Variants in RHOC observed in about 807,000 individuals in gnomAD.
RHOC encodes ras homolog family member C.
Under a neutral mutation model 19.5 loss-of-function variants are expected in RHOC, and 13 were observed. The observed-to-expected ratio is 0.67, with a 90% CI of 0.43 to 1.06. The LOEUF (loss-of-function observed/expected upper bound fraction) is 1.06. RHOC is among the 50% of genes least tolerant of loss of function. The pLI is 0.00. For missense variants in RHOC, 173 were observed against 256.9 expected, an observed-to-expected ratio of 0.67 and a Z score of 2.23; for synonymous variants, 106 against 97.3, an observed-to-expected ratio of 1.09 and a Z score of -0.52.
intron 1 of RHOC, among the ~76,000 whole-genome samples, chr1:112,706,409 TTCTC>T (rs533417679): frequency 3.1e-4 from 41 of 131,358 alleles, no homozygotes; most frequent in Middle Eastern, 4.2e-3. Flanking sequence ...CAATCTCATT[TTCTC>T]TCTCTCTCTC....
At chr1:112,705,484 C>A in intron 1 of RHOC, 2 of 555,896 alleles carry the variant, frequency 3.6e-6, no homozygotes, top group Non-Finnish European at 6.8e-6. Context: ...ATTCACAAAA[C>A]TGTTGGTTTT....
At position 112,701,450 on chromosome 1, in the gene RHOC, G is replaced by C; in HGVS notation, c.*90C>G. The C allele has an allele frequency of 6.2e-7, 1 of 1,612,900 alleles. No individual in the cohort carries two copies. The highest frequency in any genetic ancestry group is 8.5e-7 in the Non-Finnish European group (1 of 1,179,384). ...AGGGAACTGAAAATGGGAGCCTTCA[G>C]CATGGAGCCCTCAGGAGGCTGGGGT... On this transcript the variant is annotated 3_prime_UTR_variant, in exon 6 of 6. Transcript: ENST00000339083.
Position 112,703,734 on chromosome 1 carries a change from G to A in RHOC, c.66C>T (p.Leu22=). Residue 22 remains leucine (L), a synonymous_variant, in exon 3 of 6, where the codon CTC becomes CTT. Transcript: ENST00000339083. ...GAAACTGATCCTTGCTGAAGACGAT[G>A]AGGAGGCAGGTCTTCCCACAGGCAC... is the stretch of plus-strand genomic sequence containing the variant. ...GDGACGKTCL[L]IVFSKDQFPE... 1 of 1,613,162 alleles carries A rather than the reference G, an allele frequency of 6.2e-7. No individual in the cohort carries two copies. The highest frequency in any genetic ancestry group is 8.5e-7 in the Non-Finnish European group (1 of 1,179,680).
In RHOC at chr1:112,703,595, TG is replaced by T. The variant is rs771985556; in HGVS notation, c.156+48del. On this transcript the variant is annotated intron_variant, in intron 3 of 5. Transcript: ENST00000339083. ...AGGACATACTAGGTCATTCAGTGAC[TG>T]GGGGGCGGGGTCTCAGGGTGGGGTG... 10 of 876,346 alleles carry T rather than the reference TG, an allele frequency of 1.1e-5. No individual in the cohort carries two copies. The African/African-American group carries it at 2.0e-4, about 17-fold the overall frequency. The allele number at this position is 876,346 out of a possible 1,614,324, so 54.3% of individuals were successfully genotyped here.
At chr1:112,703,607 T>G (rs937053) in intron 3 of RHOC, 37 bp downstream of exon 3, 3 of 1,500,458 alleles carry the variant, frequency 2.0e-6, no homozygotes, top group Non-Finnish European at 2.7e-6. Context: ...GGGGGCGGGG[T>G]CTCAGGGTGG....
chr1:112,705,454 C>T (rs369547275), intron 1 of RHOC: 11 of 583,212 alleles, frequency 1.9e-5, no homozygotes, highest in East Asian at 1.3e-4. Flanking sequence ...CTGAGTGGCC[C>T]TTCCCTTGCC....
At chr1:112,705,607 T>G in intron 1 of RHOC, 1 of 460,830 alleles carries the variant, frequency 2.2e-6, no homozygotes, top group South Asian at 1.5e-5. Context: ...GCATTCACCC[T>G]GTCGGCAGAT....
Position 112,706,486 on chromosome 1 carries a change from A to C in RHOC, c.-77+592T>G, listed in dbSNP as rs1412095916. On this transcript the variant is annotated intron_variant, in intron 1 of 5. Transcript: ENST00000339083. ...ACACCACACACACACACACACACAC[A>C]CACACACACACACACACACACACAC... Among the ~76,000 whole-genome samples the C allele has an allele frequency of 1.6e-3, 29 of 17,642 alleles. 1 individual carries two copies. The highest frequency in any genetic ancestry group is 4.6e-3 in the African/African-American group (24 of 5,274). The allele number at this position is 17,642 out of a possible 152,430, so 11.6% of individuals were successfully genotyped here.
At chr1:112,706,464 CCACACACACA>C (rs57078670) in intron 1 of RHOC, among the ~76,000 whole-genome samples, 99 of 22,990 alleles carry the variant, frequency 4.3e-3, no homozygotes, top group African/African-American at 0.019. Context: ...CACACACACA[CCACACACACA>C]CACACACACA....
At chr1:112,707,182 C>G (rs1674925692), upstream of RHOC, 2 of 150,378 alleles carry the variant, frequency 1.3e-5, no homozygotes, top group Admixed American at 1.3e-4. Context: ...AGGGCGGGCC[C>G]GGCAGGGGGA....
At chr1:112,706,440 C>CT (rs1429535319) in intron 1 of RHOC, among the ~76,000 whole-genome samples, 25 of 36,712 alleles carry the variant, frequency 6.8e-4, no homozygotes, top group African/African-American at 1.3e-3. Flanking sequence ...TACACACACA[C>CT]ACACACACAC....
chr1:112,702,494 T>G, intron 5 of RHOC, 69 bp downstream of exon 5: 1 of 1,555,490 alleles, frequency 6.4e-7, no homozygotes, highest in Non-Finnish European at 8.8e-7. Flanking sequence ...AGAAGTTCCC[T>G]TTGCCCGTCT....
At chr1:112,706,972 C>T (rs903099250) in intron 1 of RHOC, 106 bp downstream of exon 1, 1 of 152,060 alleles carries the variant, frequency 6.6e-6, no homozygotes, top group African/African-American at 2.4e-5. Context: ...GGCCGAAGCC[C>T]CTCCTCGCAC....
intron 1 of RHOC, among the ~76,000 whole-genome samples, chr1:112,706,494 A>ACCCCCCCACAC (rs1557780825): frequency 5.6e-5 from 2 of 35,976 alleles, no homozygotes; most frequent in Non-Finnish European, 1.3e-4. Context: ...ACACACACAC[A>ACCCCCCCACAC]CACACACACA....
chr1:112,701,930 A>C (rs1344773281), intron 5 of RHOC, among the ~76,000 whole-genome samples: 4 of 151,758 alleles, frequency 2.6e-5, no homozygotes, highest in African/African-American at 9.7e-5. Flanking sequence ...ACCTCCTCCC[A>C]CACACAGCCC....
intron 1 of RHOC, among the ~76,000 whole-genome samples, chr1:112,706,463 A>C (rs868727432): frequency 7.3e-4 from 6 of 8,206 alleles, no homozygotes; most frequent in African/African-American, 9.4e-4. Flanking sequence ...ACACACACAC[A>C]CCACACACAC....
At position 112,701,721 on chromosome 1, in the gene RHOC, G is replaced by A. The variant is rs745896713; in HGVS notation, c.409-8C>T. 6.2e-7 allele frequency: 1 copy of A among 1,613,626 alleles called. No individual in the cohort carries two copies. Among genetic ancestry groups the A allele is most frequent in the Non-Finnish European group, 8.5e-7 (1 of 1,179,850 alleles). ...CTCAGACCGAACGGGCTCCTGAGAA[G>A]ACATAAGATGAGGGGTCAAAGGAAG... On this transcript the variant is annotated splice_polypyrimidine_tract_variant and splice_region_variant and intron_variant, in intron 5 of 5. Coordinates refer to ENST00000339083, the MANE Select transcript of RHOC (RefSeq NM_175744.5).
chr1:112,706,430 T>TCCACACACACACACACACAC, intron 1 of RHOC, among the ~76,000 whole-genome samples: 1 of 49,696 alleles, frequency 2.0e-5, no homozygotes, highest in African/African-American at 8.7e-5. Context: ...TCTCTCTCTC[T>TCCACACACACACACACACAC]ACACACACAC....
intron 1 of RHOC, chr1:112,705,748 T>C (rs759577348): frequency 2.3e-6 from 1 of 441,836 alleles, no homozygotes; most frequent in Non-Finnish European, 4.6e-6. Context: ...TTTGTAAAGA[T>C]GGGCTGGGGT....
Sources: allele counts gnomAD v4.1 joint callset (sites outside exome capture counted in the v4.1 genomes callset), GRCh38; gene constraint gnomAD v4.1.1; transcripts MANE v1.5; gene names NCBI Gene and HGNC (gene_info 2026-07-23, HGNC 2026-07-21).